The following MAU2 variants were observed in gnomAD, a reference collection of about 807,000 sequenced individuals.
The protein encoded by MAU2 is MAU2 sister chromatid cohesion factor, also known as MAU2 chromatid cohesion factor homolog.
Under a neutral mutation model 89.1 loss-of-function variants are expected in MAU2, and 9 were observed. The observed-to-expected ratio is 0.10, with a 90% CI of 0.06 to 0.18. MAU2 has a LOEUF of 0.18. Ranked by LOEUF, MAU2 falls within the 10% of genes least tolerant of loss-of-function variation. MAU2 has a pLI of 1.00. For synonymous variants in MAU2, 357 were observed against 343.4 expected, an observed-to-expected ratio of 1.04 and a Z score of -0.44; for missense variants, 425 against 803.5, an observed-to-expected ratio of 0.53 and a Z score of 5.69.
At chr19:19,332,802 C>T (rs533006109) in intron 1 of MAU2, among the ~76,000 whole-genome samples, 28 of 152,244 alleles carry the variant, frequency 1.8e-4, no homozygotes, top group African/African-American at 6.5e-4. Context: ...CTTGGCCAGC[C>T]GCTGCGGCTC....
intron 1 of MAU2, among the ~76,000 whole-genome samples, chr19:19,329,722 C>G (rs1283931470): frequency 6.6e-6 from 1 of 151,888 alleles, no homozygotes; most frequent in East Asian, 1.9e-4. Context: ...GCCTGTTATC[C>G]TAGCACTTTG....
Position 19,343,820 on chromosome 19 carries a change from CT to C in MAU2, c.974-16del. ...TCTGGCCTCCCCTGCATGCTTACCC[CT>C]GACTCTCACCCATAGTGCTGGACTG... On this transcript the variant is annotated splice_polypyrimidine_tract_variant and intron_variant, in intron 9 of 18. Coordinates refer to ENST00000262815, the MANE Select transcript of MAU2 (RefSeq NM_015329.4). 1.2e-6 allele frequency: 2 copies of C among 1,601,808 alleles called. No individual in the cohort carries two copies. The highest frequency in any genetic ancestry group is 2.7e-5 in the African/African-American group (2 of 74,836).
chr19:19,329,035 T>G (rs1463255180), intron 1 of MAU2: 1 of 456,074 alleles, frequency 2.2e-6, no homozygotes, highest in South Asian at 1.5e-5. Context: ...GGTCAGATAC[T>G]TAATTCTGCA....
chr19:19,350,618 A>AG (rs1478870735), intron 16 of MAU2, among the ~76,000 whole-genome samples: 5 of 141,860 alleles, frequency 3.5e-5, no homozygotes, highest in Admixed American at 1.4e-4. Context: ...AAAAAAAAAA[A>AG]GGCCGGGCAT....
At chr19:19,330,626 G>A (rs1453874728) in intron 1 of MAU2, among the ~76,000 whole-genome samples, 1 of 152,190 alleles carries the variant, frequency 6.6e-6, no homozygotes, top group Non-Finnish European at 1.5e-5. Flanking sequence ...TGTAATCCCA[G>A]CTACTCGGGA....
At chr19:19,342,402 A>T (rs1407152243) in intron 7 of MAU2, 133 bp from the exon 8 acceptor site, 8 of 1,162,864 alleles carry the variant, frequency 6.9e-6, no homozygotes, top group Non-Finnish European at 9.5e-6. Flanking sequence ...GGGCGGCTTC[A>T]TCTTGCAGGA....
In MAU2 at chr19:19,336,197, T is replaced by C. The variant is rs751898469; in HGVS notation, c.360+10T>C. The C allele has an allele frequency of 6.2e-7, 1 of 1,604,062 alleles. No homozygotes were observed. Among genetic ancestry groups the C allele is most frequent in the Admixed American group, 1.7e-5 (1 of 59,554 alleles). ...ATTGTACTGTCAAGAGGTAAGAACATATTAAGGTTTCTGAAAGCAAAGTGT... is the reference window on the plus strand; with the variant it reads ...ATTGTACTGTCAAGAGGTAAGAACACATTAAGGTTTCTGAAAGCAAAGTGT... On this transcript the variant is annotated intron_variant, in intron 3 of 18. Transcript: ENST00000262815.
chr19:19,350,448 A>G (rs180903425), intron 16 of MAU2, among the ~76,000 whole-genome samples: 3 of 151,622 alleles, frequency 2.0e-5, no homozygotes, highest in African/African-American at 7.3e-5. Context: ...TACTGAAAAT[A>G]CAAAAATTAG....
In MAU2 at chr19:19,354,462, C is replaced by A. The variant is rs1599929892; in HGVS notation, c.1639+17C>A. On this transcript the variant is annotated intron_variant, in intron 17 of 18. Coordinates refer to ENST00000262815, the MANE Select transcript of MAU2 (RefSeq NM_015329.4). ...TGCTGAGAGGTGAGTGCAATGGCCACCCCTCTTCCCCAGCCCCAGCCTGGC... is the reference window on the plus strand; with the variant it reads ...TGCTGAGAGGTGAGTGCAATGGCCAACCCTCTTCCCCAGCCCCAGCCTGGC... 6.2e-7 allele frequency: 1 copy of A among 1,604,704 alleles called. No homozygotes were observed. The highest frequency in any genetic ancestry group is 8.5e-7 in the Non-Finnish European group (1 of 1,172,958).
chr19:19,355,932 TC>T lies in MAU2; in HGVS notation c.*153del. The T allele has an allele frequency of 1.3e-6, 1 of 791,616 alleles. No homozygotes were observed. The highest frequency in any genetic ancestry group is 2.1e-6 in the Non-Finnish European group (1 of 465,170). The allele number at this position is 791,616 out of a possible 1,614,324, so 49.0% of individuals were successfully genotyped here. A position where few individuals can be genotyped will look rare whatever the true frequency, so the allele number is the denominator to read the frequency against. ...GAATGTGCGGGGCCAGTCCCTGCCC[TC>T]CCAGGAGGGGTGGTAGCCGTTCCCA... On this transcript the variant is annotated 3_prime_UTR_variant, in exon 19 of 19. Coordinates refer to ENST00000262815, the MANE Select transcript of MAU2 (RefSeq NM_015329.4).
intron 4 of MAU2, among the ~76,000 whole-genome samples, chr19:19,337,706 C>G (rs1245875262): frequency 6.6e-6 from 1 of 152,212 alleles, no homozygotes; most frequent in Non-Finnish European, 1.5e-5. Context: ...GCCTATCAGG[C>G]CACAAATGGC....
In MAU2 at chr19:19,338,352, G is replaced by A. The variant is rs186980398; in HGVS notation, c.457-493G>A. ...GGCACCATGTGCACGCACACCCAAG[G>A]GCCGAGCTCTTCACCACAGCCCCAT... On this transcript the variant is annotated intron_variant, in intron 4 of 18. Coordinates refer to ENST00000262815, the MANE Select transcript of MAU2 (RefSeq NM_015329.4). Among the ~76,000 whole-genome samples, 91 of 151,688 alleles carry A rather than the reference G, an allele frequency of 6.0e-4. 1 individual carries two copies. Among genetic ancestry groups the A allele is most frequent in the Admixed American group, 5.2e-3 (79 of 15,242 alleles).
In MAU2 at chr19:19,355,976, C is replaced by T. The variant is rs1476488637; in HGVS notation, c.*194C>T. ...CGTTCCCACCTCGCAGCAGGACCCC[C>T]AGTGCAGAGGCTCACAGGTGGCACA... On this transcript the variant is annotated 3_prime_UTR_variant, in exon 19 of 19. Transcript: ENST00000262815. The T allele has an allele frequency of 1.4e-6, 1 of 691,654 alleles. No individual in the cohort carries two copies. The highest frequency in any genetic ancestry group is 2.8e-5 in the East Asian group (1 of 36,240). The allele number at this position is 691,654 out of a possible 1,614,324, so 42.8% of individuals were successfully genotyped here.
intron 4 of MAU2, among the ~76,000 whole-genome samples, 159 bp downstream of exon 4, chr19:19,337,424 A>G (rs2061606407): frequency 6.6e-6 from 1 of 152,234 alleles, no homozygotes; most frequent in Admixed American, 6.5e-5. Flanking sequence ...CTTAACCTGC[A>G]CACAAGCCCC....
chr19:19,342,654 G>A lies in MAU2; in HGVS notation c.855G>A (p.Lys285=). ...CTGACCTCTTCCACTGGCTGCCCAA[G>A]GAGCACATGTGTGTGCTTGTCTACC... ...NPADLFHWLP[K]EHMCVLVYLV... Residue 285 remains lysine, a synonymous_variant, in exon 8 of 19, where the codon AAG becomes AAA. Coordinates refer to ENST00000262815, the MANE Select transcript of MAU2 (RefSeq NM_015329.4). 6.2e-7 allele frequency: 1 copy of A among 1,613,284 alleles called. No individual in the cohort carries two copies. The highest frequency in any genetic ancestry group is 8.5e-7 in the Non-Finnish European group (1 of 1,179,650).
intron 4 of MAU2, among the ~76,000 whole-genome samples, chr19:19,338,536 G>C (rs1433992053): frequency 6.6e-6 from 1 of 152,220 alleles, no homozygotes; most frequent in African/African-American, 2.4e-5. Flanking sequence ...AACAGCCTTA[G>C]GTGCTCACAC....
chr19:19,353,168 C>T (rs1368045339), intron 16 of MAU2: 5 of 152,204 alleles, frequency 3.3e-5, no homozygotes, highest in African/African-American at 7.2e-5. Context: ...TCCACAAGAG[C>T]GGGACACCCC....
At chr19:19,347,252 C>G (rs372917705) in intron 12 of MAU2, 28 bp from the exon 13 acceptor site, 25 of 1,531,224 alleles carry the variant, frequency 1.6e-5, no homozygotes, top group Non-Finnish European at 2.3e-5. Context: ...CCGACCCAGC[C>G]CCCTAATGTC....
Position 19,342,768 on chromosome 19 carries a change from G to T in MAU2, c.883-8G>T, listed in dbSNP as rs572704160. 3.1e-6 allele frequency: 5 copies of T among 1,614,024 alleles called. No individual in the cohort carries two copies. The South Asian group carries it at 4.4e-5, about 14-fold the overall frequency. On this transcript the variant is annotated splice_polypyrimidine_tract_variant and splice_region_variant and intron_variant, in intron 8 of 18. Coordinates refer to ENST00000262815, the MANE Select transcript of MAU2 (RefSeq NM_015329.4). ...CTGGTAACCCCTGCTGTCTGGTCTT[G>T]TCGCTAGGTGACTGTGATGCACTCC...
Sources: gnomAD v4.1 joint callset for allele counts (sites outside exome capture counted in the v4.1 genomes callset) on GRCh38, gnomAD v4.1.1 for gene constraint, MANE v1.5 for transcripts, NCBI Gene and HGNC (gene_info 2026-07-23, HGNC 2026-07-21) for gene names.